The following SETD2 variants were observed in gnomAD, a reference collection of about 807,000 sequenced individuals.
The protein encoded by SETD2 is SET domain containing 2, histone lysine methyltransferase.
A neutral mutation model predicts 242.1 loss-of-function variants in SETD2; 31 were observed. The observed-to-expected ratio is 0.13, with a 90% CI of 0.10 to 0.17. The LOEUF (loss-of-function observed/expected upper bound fraction) is 0.17, where lower values mean the gene tolerates loss of function less well. SETD2 is among the 10% of genes least tolerant of loss of function. The probability of loss-of-function intolerance (pLI) is 1.00; values close to 1 mark genes in which losing one functional copy is unlikely to be tolerated. For synonymous variants in SETD2, 1,006 were observed against 1,066.5 expected (o/e 0.94, Z 1.11); for missense variants, 2,481 against 3,046.3 (o/e 0.81, Z 4.37).
chr3:47,016,847 T>G lies in SETD2; in HGVS notation c.*246A>C. 1 of 477,138 alleles carries G rather than the reference T, an allele frequency of 2.1e-6. No individual in the cohort carries two copies. Among genetic ancestry groups the G allele is most frequent in the Admixed American group, 3.5e-5 (1 of 28,904 alleles). The allele number at this position is 477,138 out of a possible 1,614,324, so 29.6% of individuals were successfully genotyped here. On this transcript the variant is annotated 3_prime_UTR_variant, in exon 21 of 21. Coordinates refer to ENST00000409792, the MANE Select transcript of SETD2 (RefSeq NM_014159.7). ...AGAGTGGAGTCAGGTCTGGCCAGGG[T>G]CTTTTCTAAGCCCTTGCACCTCTGA...
At chr3:47,101,414 A>G in intron 8 of SETD2, 44 bp downstream of exon 8, 1 of 962,562 alleles carries the variant, frequency 1.0e-6, no homozygotes, top group Non-Finnish European at 1.6e-6. Context: ...TGAACAGCCT[A>G]TTTCCCCATC....
At chr3:47,020,412 C>G (rs1018918203) in intron 18 of SETD2, among the ~76,000 whole-genome samples, 1 of 152,072 alleles carries the variant, frequency 6.6e-6, no homozygotes. Flanking sequence ...TGAAGGTCAT[C>G]AAAGCCAGTG....
intron 12 of SETD2, among the ~76,000 whole-genome samples, chr3:47,076,597 A>G (rs781514834): frequency 6.6e-6 from 1 of 152,230 alleles, no homozygotes; most frequent in Non-Finnish European, 1.5e-5. Flanking sequence ...GAAGAAAGCA[A>G]TTCCATGGTC....
At chr3:47,126,760 G>A (rs952971602) in intron 1 of SETD2, 97 bp from the exon 2 acceptor site, 2 of 709,356 alleles carry the variant, frequency 2.8e-6, no homozygotes, top group Non-Finnish European at 2.4e-6. Flanking sequence ...TTAAAACTTG[G>A]GATACTTACT....
In SETD2 at chr3:47,123,643, A is replaced by T. The variant is rs1200564837; in HGVS notation, c.993T>A (p.Ser331=). 10 of 1,550,120 alleles carry T rather than the reference A, an allele frequency of 6.5e-6. No homozygotes were observed. The highest frequency in any genetic ancestry group is 8.7e-6 in the Non-Finnish European group (10 of 1,146,718). Residue 331 remains serine, a synonymous_variant, in exon 3 of 21, where the codon TCT becomes TCA. Coordinates refer to ENST00000409792, the MANE Select transcript of SETD2 (RefSeq NM_014159.7). The part of the protein sequence containing the change: ...SESDEDSVRT[S]SSQRSHDLKF... ...TTAAATCATGTGATCTTTGACTTGA[A>T]GAAGTCCGTACAGAATCTTCATCAG...
intron 4 of SETD2, among the ~76,000 whole-genome samples, chr3:47,115,264 C>T (rs945353828): frequency 6.6e-6 from 1 of 151,916 alleles, no homozygotes; most frequent in Non-Finnish European, 1.5e-5. Context: ...AAGTTTGAAC[C>T]TAATCATGAG....
At chr3:47,100,707 A>G (rs1476778821) in intron 8 of SETD2, among the ~76,000 whole-genome samples, 1 of 152,044 alleles carries the variant, frequency 6.6e-6, no homozygotes, top group Non-Finnish European at 1.5e-5. Context: ...TACTGTTTTT[A>G]GGAAACAGAA....
chr3:47,155,066 C>T (rs758152166), intron 1 of SETD2, among the ~76,000 whole-genome samples: 2 of 151,372 alleles, frequency 1.3e-5, no homozygotes, highest in Admixed American at 1.3e-4. Context: ...ATGGTTAGTA[C>T]ATAGTAATAA....
chr3:47,115,617 A>G (rs1281623427), intron 4 of SETD2, among the ~76,000 whole-genome samples: 1 of 152,186 alleles, frequency 6.6e-6, no homozygotes, highest in Non-Finnish European at 1.5e-5. Flanking sequence ...TCCATGTAAA[A>G]GACAAGAATA....
Position 47,017,768 on chromosome 3 carries a change from C to T in SETD2, c.7432-29G>A, listed in dbSNP as rs2107488932. 1 of 1,504,140 alleles carries T rather than the reference C, an allele frequency of 6.6e-7. No homozygotes were observed. The allele number at this position is 1,504,140 out of a possible 1,614,324, so 93.2% of individuals were successfully genotyped here. A position where few individuals can be genotyped will look rare whatever the true frequency, so the allele number is the denominator to read the frequency against. ...CAGGCAGAGAAAAGAGAACACGTTG[C>T]TCAACAGTCCAGAGAGGGCAAGGAG... On this transcript the variant is annotated intron_variant, in intron 19 of 20. Coordinates refer to ENST00000409792, the MANE Select transcript of SETD2 (RefSeq NM_014159.7). This position sits in a 1 kb window ranked among gnomAD's most constrained non-coding sequence, Gnocchi z 4.8.
chr3:47,068,065 T>C (rs917669609), intron 12 of SETD2, among the ~76,000 whole-genome samples: 1 of 152,238 alleles, frequency 6.6e-6, no homozygotes, highest in African/African-American at 2.4e-5. Context: ...CTTTAACAGC[T>C]CTTCACTATT....
chr3:47,066,665 A>G (rs2040568355), intron 13 of SETD2, among the ~76,000 whole-genome samples: 1 of 151,980 alleles, frequency 6.6e-6, no homozygotes, highest in Admixed American at 6.6e-5. Context: ...AAATATCTTG[A>G]GGTAAAGACC....
In SETD2 at chr3:47,123,203, G is replaced by C. The variant is rs780072755; in HGVS notation, c.1433C>G (p.Ser478Cys). 6.3e-7 allele frequency: 1 copy of C among 1,584,058 alleles called. No homozygotes were observed. The part of the protein sequence containing the change: ...TYSRRTSSHS[S>C]SYRDLRTSSY... ...TGATGTCCTTAGGTCTCTGTAAGAA[G>C]AGGAATGAGATGAGGTACGCCTTGA... The change falls in exon 3 of 21, where the codon TCT becomes TGT. Residue 478 changes from serine (S) to cysteine (C), a missense_variant. Ser to Cys is a moderately radical substitution (Grantham distance 112, BLOSUM62 -1). This residue lies in a region of SETD2 where 1,300 missense variants were observed against 1,259.2 expected (regional missense o/e 1.03). Transcript: ENST00000409792.
intron 1 of SETD2, among the ~76,000 whole-genome samples, chr3:47,154,240 C>T (rs1308514795): frequency 1.3e-5 from 2 of 151,974 alleles, no homozygotes; most frequent in African/African-American, 4.8e-5. Flanking sequence ...GAAACCCCGT[C>T]TCTACTAAAA....
intron 15 of SETD2, among the ~76,000 whole-genome samples, chr3:47,049,335 A>G (rs868096608): frequency 0.01 from 1,202 of 118,760 alleles, 39 homozygotes; most frequent in African/African-American, 0.048. Context: ...ATATATATAT[A>G]TATATATATA....
chr3:47,048,614 C>T (rs555375573), intron 15 of SETD2, among the ~76,000 whole-genome samples: 1 of 152,152 alleles, frequency 6.6e-6, no homozygotes, highest in South Asian at 2.1e-4. Context: ...ACTTTATAAA[C>T]AAATTTTTTC....
chr3:47,120,482 T>G lies in SETD2; in HGVS notation c.4154A>C (p.Glu1385Ala). 6.2e-7 allele frequency: 1 copy of G among 1,613,704 alleles called. No homozygotes were observed. Among genetic ancestry groups the G allele is most frequent in the Non-Finnish European group, 8.5e-7 (1 of 1,179,946 alleles). ...NSIKDTLAVN[E>A]KKDFSKNLEK... The stretch of plus-strand genomic sequence containing the variant: ...TAAGTTTTTTGAAAAATCTTTCTTT[T>G]CATTCACAGCTAAAGTGTCCTTAAT... Residue 1385 changes from glutamate to alanine, a missense_variant, in exon 3 of 21, where the codon GAA becomes GCA. Glu to Ala is a moderately radical substitution (Grantham distance 107). Around this residue, in one of 17 missense-constraint regions of SETD2, gnomAD observed 1,300 missense variants for 1,259.2 expected, o/e 1.03. Transcript: ENST00000409792.
intron 1 of SETD2, among the ~76,000 whole-genome samples, chr3:47,137,547 T>C (rs1211180954): frequency 6.6e-6 from 1 of 152,174 alleles, no homozygotes; most frequent in East Asian, 1.9e-4. Context: ...ATAAATATTT[T>C]ATGTAATGCC....
chr3:47,116,880 G>A (rs2042875496), intron 3 of SETD2, 126 bp from the exon 4 acceptor site: 1 of 648,184 alleles, frequency 1.5e-6, no homozygotes, highest in South Asian at 2.0e-5. Flanking sequence ...GTCTTGTTCT[G>A]TCACCCAGGC....
Sources: gnomAD v4.1 joint callset for allele counts (sites outside exome capture counted in the v4.1 genomes callset) on GRCh38, gnomAD v4.1.1 for gene constraint, gnomAD v4.1.1 regional missense constraint, Gnocchi (gnomAD v3.1) non-coding constraint, MANE v1.5 for transcripts, NCBI Gene and HGNC (gene_info 2026-07-23, HGNC 2026-07-21) for gene names.